The following SLC26A9 variants were observed in gnomAD, a reference collection of about 807,000 sequenced individuals.
SLC26A9 encodes anion transporter/exchanger protein 9.
Under a neutral mutation model 87.1 loss-of-function variants are expected in SLC26A9, and 46 were observed. The ratio of observed to expected loss-of-function variants is 0.53; its 90% confidence interval spans 0.42 to 0.67. The LOEUF (loss-of-function observed/expected upper bound fraction) is 0.67. SLC26A9 is among the 30% of genes least tolerant of loss of function. The pLI is 0.00. For missense variants in SLC26A9, 927 were observed against 1,018.3 expected (o/e 0.91, Z 1.22); for synonymous variants, 437 against 409.1 (o/e 1.07, Z -0.82).
chr1:205,929,862 C>A, intron 6 of SLC26A9, 30 bp downstream of exon 6: 1 of 1,564,134 alleles, frequency 6.4e-7, no homozygotes, highest in African/African-American at 1.4e-5. Flanking sequence ...GAGCCTTGCT[C>A]CAATGGCAGG....
At chr1:205,942,015 G>A (rs1659764523) in intron 1 of SLC26A9, among the ~76,000 whole-genome samples, 1 of 152,162 alleles carries the variant, frequency 6.6e-6, no homozygotes, top group Admixed American at 6.5e-5. Flanking sequence ...TCCAAGTAGT[G>A]ACCCCACAGC....
Position 205,932,829 on chromosome 1 carries a change from G to T in SLC26A9, c.266-17C>A. 6.3e-7 allele frequency: 1 copy of T among 1,591,138 alleles called. No homozygotes were observed. Among genetic ancestry groups the T allele is most frequent in the South Asian group, 1.2e-5 (1 of 86,642 alleles). On this transcript the variant is annotated splice_polypyrimidine_tract_variant and intron_variant, in intron 3 of 20. Transcript: ENST00000367135. ...ATGCCATGCCTGCAGAGGACAACGA[G>T]ACTGAAGCTCAGCAGCATGACTAGC...
rs369333357 is a variant in SLC26A9 at position 205,920,248 on chromosome 1, G to A, written c.2056-18C>T. The A allele has an allele frequency of 3.6e-5, 58 of 1,613,786 alleles. No individual in the cohort carries two copies. Among genetic ancestry groups the A allele is most frequent in the Non-Finnish European group, 4.7e-5 (56 of 1,179,806 alleles). ...GAGCTCAGCTAGAAGTGTTGTTGGG[G>A]TAGGGAGGCAAAAGGAAAGGAATGT... On this transcript the variant is annotated intron_variant, in intron 17 of 20. Transcript: ENST00000367135.
chr1:205,913,721 G>A lies in SLC26A9; in HGVS notation c.*1636C>T, dbSNP rs1434049295. On this transcript the variant is annotated 3_prime_UTR_variant, in exon 21 of 21. Coordinates refer to ENST00000367135, the MANE Select transcript of SLC26A9 (RefSeq NM_052934.4). ...TTGTCCTTCGCCTTCCAAGTTTTGA[G>A]TTCCATTGGCAGCCAGATGGCATAA... 2.6e-5 allele frequency: 4 copies of A among 152,638 alleles called. No homozygotes were observed. The highest frequency in any genetic ancestry group is 5.9e-5 in the Non-Finnish European group (4 of 68,048). 9.5% of individuals were successfully genotyped at this position (152,638 alleles called of 1,614,324 possible).
rs561510355 is a variant in SLC26A9, at chr1:205,913,603, G to A, written c.*1754C>T. ...GCCTGAGCTGGACTTGGAAGGAGGTGGAGTAGGGGAGAGTGAGTTGTCATT... is the reference window on the plus strand; with the variant it reads ...GCCTGAGCTGGACTTGGAAGGAGGTAGAGTAGGGGAGAGTGAGTTGTCATT... On this transcript the variant is annotated 3_prime_UTR_variant, in exon 21 of 21. Transcript: ENST00000367135. 1 of 152,752 alleles carries A rather than the reference G, an allele frequency of 6.5e-6. No homozygotes were observed. Among genetic ancestry groups the A allele is most frequent in the South Asian group, 2.1e-4 (1 of 4,814 alleles). The allele number at this position is 152,752 out of a possible 1,614,324, so 9.5% of individuals were successfully genotyped here. A position where few individuals can be genotyped will look rare whatever the true frequency, so the allele number is the denominator to read the frequency against.
At chr1:205,920,507 T>C (rs995188660) in intron 17 of SLC26A9, among the ~76,000 whole-genome samples, 1 of 152,200 alleles carries the variant, frequency 6.6e-6, no homozygotes, top group Non-Finnish European at 1.5e-5. Flanking sequence ...ATATTTTCTT[T>C]TTTTTTCTTT....
Position 205,915,107 on chromosome 1 carries a change from C to A in SLC26A9, c.*250G>T, listed in dbSNP as rs1571723662. The A allele has an allele frequency of 1.2e-6, 2 of 1,613,860 alleles. No homozygotes were observed. The highest frequency in any genetic ancestry group is 4.5e-5 in the East Asian group (2 of 44,882). Reference sequence around the variant, plus strand: ...GGAGGCTTGTCCATTGCGGCCAGGGCCTGACGGGTGAAGAGTGGGCTCACC... The same window carrying A: ...GGAGGCTTGTCCATTGCGGCCAGGGACTGACGGGTGAAGAGTGGGCTCACC... On this transcript the variant is annotated 3_prime_UTR_variant, in exon 21 of 21. Transcript: ENST00000367135.
chr1:205,917,329 A>G lies in SLC26A9; in HGVS notation c.2282T>C (p.Leu761Ser). ...GCGAATGTCCTCCTCTGAGTCGTAC[A>G]AGGAGAGCTCAGCATCCCCTGGAGC... ...QGAPGDAELS[L>S]YDSEEDIRSY... Residue 761 changes from leucine (L) to serine (S), a missense_variant, in exon 20 of 21, where the codon TTG (leucine) becomes TCG (serine). Coordinates refer to ENST00000367135, the MANE Select transcript of SLC26A9 (RefSeq NM_052934.4). The G allele has an allele frequency of 6.2e-7, 1 of 1,613,956 alleles. No homozygotes were observed. The highest frequency in any genetic ancestry group is 8.5e-7 in the Non-Finnish European group (1 of 1,179,978).
At chr1:205,938,055 T>A (rs922278428) in intron 1 of SLC26A9, among the ~76,000 whole-genome samples, 3 of 152,012 alleles carry the variant, frequency 2.0e-5, no homozygotes, top group African/African-American at 7.3e-5. Flanking sequence ...CGGTAGTGTG[T>A]TTGCGGGGAA....
At chr1:205,923,743 G>A (rs1571737366) in intron 13 of SLC26A9, 130 bp from the exon 14 acceptor site, 2 of 968,216 alleles carry the variant, frequency 2.1e-6, no homozygotes, top group East Asian at 2.6e-5. Flanking sequence ...GACTTGCTGT[G>A]TCTGTCTTTT....
intron 16 of SLC26A9, 137 bp from the exon 17 acceptor site, chr1:205,921,984 AG>A: frequency 1.7e-6 from 2 of 1,188,250 alleles, no homozygotes; most frequent in Non-Finnish European, 2.3e-6. Context: ...AGACCCTGAA[AG>A]CTCCACCAGA....
At chr1:205,929,104 C>T (rs1254945389) in intron 7 of SLC26A9, 100 bp downstream of exon 7, 7 of 1,535,210 alleles carry the variant, frequency 4.6e-6, no homozygotes, top group East Asian at 2.3e-5. Flanking sequence ...ACTTCCTGTC[C>T]CACTGGCTGC....
At position 205,914,641 on chromosome 1, in the gene SLC26A9, T is replaced by G; in HGVS notation, c.*716A>C. The G allele has an allele frequency of 4.4e-6, 2 of 454,002 alleles. No individual in the cohort carries two copies. Among genetic ancestry groups the G allele is most frequent in the Non-Finnish European group, 3.9e-6 (1 of 255,510 alleles). The allele number at this position is 454,002 out of a possible 1,614,324, so 28.1% of individuals were successfully genotyped here. On this transcript the variant is annotated 3_prime_UTR_variant, in exon 21 of 21. Coordinates refer to ENST00000367135, the MANE Select transcript of SLC26A9 (RefSeq NM_052934.4). ...GTTTCAGGAGGCTGAGGCAGAACCT[T>G]AGTGGGCTGTCCCCGGGGAGGTAGC...
At chr1:205,932,193 A>G (rs565669694) in intron 4 of SLC26A9, among the ~76,000 whole-genome samples, 158 bp from the exon 5 acceptor site, 2 of 152,336 alleles carry the variant, frequency 1.3e-5, no homozygotes, top group East Asian at 3.9e-4. Context: ...CACTCTAACC[A>G]TGATCTATGC....
intron 14 of SLC26A9, 46 bp downstream of exon 14, chr1:205,923,498 G>T (rs1340066302): frequency 6.2e-7 from 1 of 1,613,676 alleles, no homozygotes; most frequent in Admixed American, 1.7e-5. Flanking sequence ...CTCTTCTTGG[G>T]GTGGTGCAGA....
In SLC26A9 at chr1:205,926,210, C is replaced by T. The variant is rs376160905; in HGVS notation, c.1389+325G>A. Among the ~76,000 whole-genome samples the T allele has an allele frequency of 4.6e-5, 7 of 152,070 alleles. No homozygotes were observed. The East Asian group carries it at 1.3e-3, about 29-fold the overall frequency. On this transcript the variant is annotated intron_variant, in intron 12 of 20. Transcript: ENST00000367135. ...TATTGAGTATAAAATACGATGTAGACAACATGTTTACTTGTATTACCTTGC... is the reference window on the plus strand; with the variant it reads ...TATTGAGTATAAAATACGATGTAGATAACATGTTTACTTGTATTACCTTGC...
Position 205,915,339 on chromosome 1 carries a change from T to TG in SLC26A9, c.*17dup. 1 of 1,614,054 alleles carries TG rather than the reference T, an allele frequency of 6.2e-7. No individual in the cohort carries two copies. On this transcript the variant is annotated 3_prime_UTR_variant, in exon 21 of 21. Coordinates refer to ENST00000367135, the MANE Select transcript of SLC26A9 (RefSeq NM_052934.4). Reference sequence around the variant, plus strand: ...AGTGCCAGGCACTCTGTAGGCAGCATGAGGACTGGCTGAGCCCTCACAGGG... The same window carrying TG: ...AGTGCCAGGCACTCTGTAGGCAGCATGGAGGACTGGCTGAGCCCTCACAGGG...
At position 205,921,596 on chromosome 1, in the gene SLC26A9, C is replaced by T. The variant is rs766164587; in HGVS notation, c.2025G>A (p.Val675=). 1 of 1,611,012 alleles carries T rather than the reference C, an allele frequency of 6.2e-7. No homozygotes were observed. The highest frequency in any genetic ancestry group is 8.5e-7 in the Non-Finnish European group (1 of 1,179,404). Residue 675 remains valine (V), a synonymous_variant, in exon 17 of 21, where the codon GTG becomes GTA. Coordinates refer to ENST00000367135, the MANE Select transcript of SLC26A9 (RefSeq NM_052934.4). The stretch of plus-strand genomic sequence containing the variant: ...CCAGGGCCTTGATGCCCATCAAGTC[C>T]ACGAAGCTGACTCCACTCATGTCCA... ...LILDMSGVSF[V]DLMGIKALAK... is the part of the protein sequence containing the mutation.
rs1392812452 is a variant in SLC26A9, at chr1:205,921,588, A to G, written c.2033T>C (p.Met678Thr). Residue 678 changes from methionine to threonine, a missense_variant, in exon 17 of 21, where the codon ATG becomes ACG. Coordinates refer to ENST00000367135, the MANE Select transcript of SLC26A9 (RefSeq NM_052934.4). ...DMSGVSFVDL[M>T]GIKALAKLSS... ...CACCTTGGCCAGGGCCTTGATGCCCATCAAGTCCACGAAGCTGACTCCACT... is the reference window on the plus strand; with the variant it reads ...CACCTTGGCCAGGGCCTTGATGCCCGTCAAGTCCACGAAGCTGACTCCACT... 41 of 1,610,386 alleles carry G rather than the reference A, an allele frequency of 2.5e-5. No homozygotes were observed. Among genetic ancestry groups the G allele is most frequent in the Non-Finnish European group, 3.4e-5 (40 of 1,179,464 alleles).
Sources: gnomAD v4.1 joint callset for allele counts (sites outside exome capture counted in the v4.1 genomes callset) on GRCh38, gnomAD v4.1.1 for gene constraint, MANE v1.5 for transcripts, NCBI Gene and HGNC (gene_info 2026-07-23, HGNC 2026-07-21) for gene names.